The following GNAI2 variants were observed in gnomAD, a reference collection of about 807,000 sequenced individuals.
The protein encoded by GNAI2 is G protein subunit alpha i2.
A neutral mutation model predicts 36.8 loss-of-function variants in GNAI2; 4 were observed. The ratio of observed to expected loss-of-function variants is 0.11; its 90% confidence interval spans 0.05 to 0.25. The LOEUF (loss-of-function observed/expected upper bound fraction) is 0.25, where lower values mean the gene tolerates loss of function less well. Ranked by LOEUF, GNAI2 falls within the 10% of genes least tolerant of loss-of-function variation. The probability of loss-of-function intolerance (pLI) is 1.00; values close to 1 mark genes in which losing one functional copy is unlikely to be tolerated. For missense variants in GNAI2, 230 were observed against 481.3 expected (o/e 0.48, Z 4.89); for synonymous variants, 194 against 194.1 (o/e 1.00, Z 0.01).
chr3:50,243,268 C>T (rs1381685988), intron 1 of GNAI2, among the ~76,000 whole-genome samples: 2 of 152,204 alleles, frequency 1.3e-5, no homozygotes, highest in African/African-American at 4.8e-5. Context: ...GTGGTGCCTT[C>T]GAGAAGGATT....
upstream of GNAI2, chr3:50,227,631 G>A (rs1239404542): frequency 1.3e-5 from 2 of 154,714 alleles, no homozygotes; most frequent in Non-Finnish European, 2.9e-5. This position sits in a 1 kb window ranked among gnomAD's most constrained non-coding sequence, Gnocchi z 5.9. Flanking sequence ...GGCTCTGCAG[G>A]AGAGGCCAGA....
At chr3:50,229,744 C>T (rs1302696963), upstream of GNAI2, 1 of 152,408 alleles carries the variant, frequency 6.6e-6, no homozygotes, top group Non-Finnish European at 1.5e-5. Flanking sequence ...AGATCCCCTC[C>T]TCAGACTATC....
intron 1 of GNAI2, among the ~76,000 whole-genome samples, chr3:50,239,110 G>A (rs1700248218): frequency 6.6e-6 from 1 of 152,196 alleles, no homozygotes; most frequent in Non-Finnish European, 1.5e-5. Context: ...TGATCAGCTA[G>A]GCCCAGGTGG....
chr3:50,243,467 G>A (rs1700342527), intron 1 of GNAI2, among the ~76,000 whole-genome samples: 1 of 152,242 alleles, frequency 6.6e-6, no homozygotes, highest in South Asian at 2.1e-4. Context: ...CTCACTCTGG[G>A]TTTCCCCTGC....
chr3:50,256,030 GTAACAC>G (rs1164185986), intron 4 of GNAI2, among the ~76,000 whole-genome samples, 156 bp from the exon 5 acceptor site: 1 of 109,956 alleles, frequency 9.1e-6, no homozygotes, highest in Non-Finnish European at 1.7e-5. Flanking sequence ...TGGCAACAGA[GTAACAC>G]TCTGTCTCAA....
intron 1 of GNAI2, among the ~76,000 whole-genome samples, chr3:50,240,990 A>G (rs1382324902): frequency 6.6e-6 from 1 of 151,454 alleles, no homozygotes; most frequent in Non-Finnish European, 1.5e-5. Context: ...GGTGGGAAGG[A>G]GTCTCCCATC....
chr3:50,236,056 C>T (rs1700157896), upstream of GNAI2: 1 of 429,272 alleles, frequency 2.3e-6, no homozygotes, highest in Non-Finnish European at 3.3e-6. The surrounding 1 kb of genome is among the most constrained non-coding windows in gnomAD (Gnocchi z 4.0). Context: ...TCCCCCTTCG[C>T]TCCGCCCTCG....
upstream of GNAI2, among the ~76,000 whole-genome samples, chr3:50,235,012 G>C (rs1467362207): frequency 6.6e-6 from 1 of 152,210 alleles, no homozygotes; most frequent in Non-Finnish European, 1.5e-5. Flanking sequence ...GACGTGGACA[G>C]GCCATGGAAG....
intron 1 of GNAI2, among the ~76,000 whole-genome samples, chr3:50,243,908 G>A (rs587715722): frequency 6.6e-6 from 1 of 152,238 alleles, no homozygotes; most frequent in South Asian, 2.1e-4. Flanking sequence ...TGGCTTTCGG[G>A]CCTCAATTCT....
chr3:50,258,898 G>GA lies in GNAI2; in HGVS notation c.*567dup, dbSNP rs781828389. 0.18 allele frequency: 51,471 copies of GA among 282,874 alleles called. No homozygotes were observed. The highest frequency in any genetic ancestry group is 0.32 in the South Asian group (10,247 of 31,904). 17.5% of individuals were successfully genotyped at this position (282,874 alleles called of 1,614,324 possible). A position where few individuals can be genotyped will look rare whatever the true frequency, so the allele number is the denominator to read the frequency against. ...GCTTTTTAAAAAAATGAAAGTAAAGGAAAAAAAAAAAACTGCAAATCTAGA... is the reference window on the plus strand; with the variant it reads ...GCTTTTTAAAAAAATGAAAGTAAAGGAAAAAAAAAAAAACTGCAAATCTAGA... On this transcript the variant is annotated 3_prime_UTR_variant, in exon 9 of 9. Coordinates refer to ENST00000313601, the MANE Select transcript of GNAI2 (RefSeq NM_002070.4).
upstream of GNAI2, chr3:50,236,158 G>GCCCGC (rs1242937577): frequency 4.3e-6 from 5 of 1,159,950 alleles, no homozygotes; most frequent in Non-Finnish European, 5.3e-6. This position sits in a 1 kb window ranked among gnomAD's most constrained non-coding sequence, Gnocchi z 4.0. Context: ...CCCACCCCCG[G>GCCCGC]CCCGCCCCGC....
chr3:50,257,198 T>C, intron 7 of GNAI2, 108 bp downstream of exon 7: 1 of 924,256 alleles, frequency 1.1e-6, no homozygotes, highest in Non-Finnish European at 1.7e-6. Context: ...AAGTGTAACC[T>C]TGGAACACTG....
chr3:50,232,330 A>C (rs1700081890), upstream of GNAI2, among the ~76,000 whole-genome samples: 1 of 151,422 alleles, frequency 6.6e-6, no homozygotes, highest in Non-Finnish European at 1.5e-5. Flanking sequence ...ACTCAGTCTC[A>C]AAAAAAAAGA....
upstream of GNAI2, chr3:50,227,322 G>C (rs990931808): frequency 1.1e-5 from 5 of 465,370 alleles, no homozygotes; most frequent in Admixed American, 1.7e-4. This position sits in a 1 kb window ranked among gnomAD's most constrained non-coding sequence, Gnocchi z 5.9. Context: ...TGCGGAGACC[G>C]GGCCTCGACG....
In GNAI2 at chr3:50,258,715, CA is replaced by C. The variant is rs2109224207; in HGVS notation, c.*374del. 2.8e-6 allele frequency: 1 copy of C among 356,910 alleles called. No homozygotes were observed. Among genetic ancestry groups the C allele is most frequent in the South Asian group, 2.2e-5 (1 of 45,798 alleles). 22.1% of individuals were successfully genotyped at this position (356,910 alleles called of 1,614,324 possible). A position where few individuals can be genotyped will look rare whatever the true frequency, so the allele number is the denominator to read the frequency against. ...TCCAGCCTGGACCCCCAGCTTTGCCCAACACCAGCCCCTGCCCCAGCCCAAG... is the reference window on the plus strand; with the variant it reads ...TCCAGCCTGGACCCCCAGCTTTGCCCACACCAGCCCCTGCCCCAGCCCAAG... On this transcript the variant is annotated 3_prime_UTR_variant, in exon 9 of 9. Transcript: ENST00000313601.
In GNAI2 at chr3:50,241,734, C is replaced by G. The variant is rs1422913455; in HGVS notation, c.118+5281C>G. 1.3e-5 allele frequency among the ~76,000 whole-genome samples: 2 copies of G among 152,202 alleles called. No homozygotes were observed. Among genetic ancestry groups the G allele is most frequent in the African/African-American group, 2.4e-5 (1 of 41,448 alleles). On this transcript the variant is annotated intron_variant, in intron 1 of 8. Transcript: ENST00000313601. The surrounding 1 kb of genome is among the most constrained non-coding windows in gnomAD (Gnocchi z 5.0). ...GACACAGGCTTCCATGTCAGAAGCC[C>G]TGAGGCAGCATCACACCACCCACTA...
intron 1 of GNAI2, among the ~76,000 whole-genome samples, chr3:50,246,223 G>T (rs782328781): frequency 2.0e-5 from 3 of 152,224 alleles, no homozygotes; most frequent in Non-Finnish European, 4.4e-5. Flanking sequence ...GTCTCTGCAG[G>T]CTGGGGGCTT....
Position 50,252,101 on chromosome 3 carries a change from T to G in GNAI2, c.120T>G (p.Gly40=), listed in dbSNP as rs1553702536. Residue 40 remains glycine, a splice_region_variant and synonymous_variant, in exon 2 of 9, where the codon GGT becomes GGG. Transcript: ENST00000313601. This position sits in a 1 kb window ranked among gnomAD's most constrained non-coding sequence, Gnocchi z 4.1. ...AAREVKLLLL[G]AGESGKSTIV... ...GACCACCTGTGCCCTCTGTTCCAGG[T>G]GCTGGGGAGTCAGGGAAGAGCACCA... is the stretch of plus-strand genomic sequence containing the variant. 1 of 1,613,960 alleles carries G rather than the reference T, an allele frequency of 6.2e-7. No individual in the cohort carries two copies. Among genetic ancestry groups the G allele is most frequent in the Admixed American group, 1.7e-5 (1 of 60,024 alleles).
intron 1 of GNAI2, among the ~76,000 whole-genome samples, chr3:50,246,611 T>C (rs1700431178): frequency 6.6e-6 from 1 of 152,226 alleles, no homozygotes; most frequent in Admixed American, 6.5e-5. Context: ...GCTGGGCCGC[T>C]GCCCAAGTCT....
Sources: gnomAD v4.1 joint callset for allele counts (sites outside exome capture counted in the v4.1 genomes callset) on GRCh38, gnomAD v4.1.1 for gene constraint, Gnocchi (gnomAD v3.1) non-coding constraint, MANE v1.5 for transcripts, NCBI Gene and HGNC (gene_info 2026-07-23, HGNC 2026-07-21) for gene names.